The following SRGAP3 variants were observed in gnomAD, a reference collection of about 807,000 sequenced individuals.
The protein encoded by SRGAP3 is SLIT-ROBO Rho GTPase-activating protein 3.
Under a neutral mutation model 121.1 loss-of-function variants are expected in SRGAP3, and 39 were observed. That is an observed-to-expected ratio of 0.32 (90% CI 0.25 to 0.42). SRGAP3 has a LOEUF of 0.42. Among genes scored for constraint, SRGAP3 ranks in the 10% least tolerant of loss-of-function variants. The pLI is 1.00. For missense variants in SRGAP3, 1,213 were observed against 1,470.6 expected (o/e 0.82, Z 2.86); for synonymous variants, 601 against 570.0 (o/e 1.05, Z -0.77).
chr3:9,331,182 A>C (rs1434651876), intron 1 of SRGAP3, among the ~76,000 whole-genome samples: 8 of 152,260 alleles, frequency 5.3e-5, no homozygotes, highest in Non-Finnish European at 1.0e-4. Context: ...ACACACAAAT[A>C]GCTAAGAATT....
chr3:9,030,157 G>C (rs945691725), intron 12 of SRGAP3, among the ~76,000 whole-genome samples: 1 of 102,084 alleles, frequency 9.8e-6, no homozygotes, highest in African/African-American at 3.8e-5. Context: ...CTCAATAAAT[G>C]AATGAATGAA....
Position 8,990,750 on chromosome 3 carries a change from A to G in SRGAP3, c.2648T>C (p.Ile883Thr), listed in dbSNP as rs1291135958. 1.2e-6 allele frequency: 2 copies of G among 1,608,772 alleles called. No homozygotes were observed. The highest frequency in any genetic ancestry group is 2.2e-5 in the East Asian group (1 of 44,760). Residue 883 changes from isoleucine to threonine, a missense_variant, in exon 21 of 22, where the codon ATA becomes ACA. Ile to Thr is a moderately conservative substitution (Grantham distance 89). Coordinates refer to ENST00000383836, the MANE Select transcript of SRGAP3 (RefSeq NM_014850.4). Reference sequence around the variant, plus strand: ...GGCAGCAGCCCGGGGTGGTGTGTCTATGCTGGGGCCCAGGCCCCGGGGCGG... The same window carrying G: ...GGCAGCAGCCCGGGGTGGTGTGTCTGTGCTGGGGCCCAGGCCCCGGGGCGG... ...HSPPRGLGPS[I>T]DTPPRAAACP...
At chr3:9,011,314 T>A (rs1395537646) in intron 17 of SRGAP3, among the ~76,000 whole-genome samples, 9 of 151,800 alleles carry the variant, frequency 5.9e-5, no homozygotes, top group Non-Finnish European at 1.5e-5. Context: ...CTCAAAGGAG[T>A]TGACATTTGC....
chr3:9,064,060 T>C (rs1480804382), intron 5 of SRGAP3, among the ~76,000 whole-genome samples: 1 of 152,176 alleles, frequency 6.6e-6, no homozygotes. Context: ...CTCCCGCTAA[T>C]GCCTTGTGAT....
intron 2 of SRGAP3, among the ~76,000 whole-genome samples, chr3:9,115,357 G>C (rs554328027): frequency 3.1e-3 from 467 of 152,300 alleles, no homozygotes; most frequent in Admixed American, 4.9e-3. Context: ...ACATATTACT[G>C]TTTGTGAAAA....
intron 1 of SRGAP3, among the ~76,000 whole-genome samples, chr3:9,358,159 C>A (rs969899319): frequency 1.3e-5 from 2 of 152,096 alleles, no homozygotes; most frequent in African/African-American, 4.8e-5. Context: ...CAATGTGTGA[C>A]CATCTTTACT....
chr3:9,237,852 T>A (rs964094998), intron 1 of SRGAP3, among the ~76,000 whole-genome samples: 2 of 152,220 alleles, frequency 1.3e-5, no homozygotes, highest in African/African-American at 4.8e-5. Flanking sequence ...GGAAGTGACA[T>A]GGCCAGATTT....
chr3:9,182,821 T>C (rs1575201706), intron 1 of SRGAP3, among the ~76,000 whole-genome samples: 1 of 151,848 alleles, frequency 6.6e-6, no homozygotes, highest in Non-Finnish European at 1.5e-5. Flanking sequence ...GCCTGGTTAA[T>C]TTTTTTAAAA....
chr3:9,102,852 C>A (rs1421607463), intron 3 of SRGAP3, among the ~76,000 whole-genome samples: 1 of 152,144 alleles, frequency 6.6e-6, no homozygotes, highest in Non-Finnish European at 1.5e-5. Flanking sequence ...GAAAAAAGAC[C>A]CTTCATTTCC....
At chr3:9,348,048 C>A in intron 1 of SRGAP3, among the ~76,000 whole-genome samples, 1 of 152,242 alleles carries the variant, frequency 6.6e-6, no homozygotes, top group East Asian at 1.9e-4. Flanking sequence ...AGGCTACAAC[C>A]TAATGAGCTT....
chr3:9,204,148 C>T (rs1328008517), intron 1 of SRGAP3, among the ~76,000 whole-genome samples: 1 of 152,244 alleles, frequency 6.6e-6, no homozygotes, highest in African/African-American at 2.4e-5. Flanking sequence ...GGGAACCCAT[C>T]TTGGAAACTA....
chr3:9,227,169 G>C (rs536039534), intron 1 of SRGAP3, among the ~76,000 whole-genome samples: 1 of 152,246 alleles, frequency 6.6e-6, no homozygotes, highest in South Asian at 2.1e-4. Flanking sequence ...CCAGAAGTCT[G>C]GATTTTTACA....
intron 14 of SRGAP3, among the ~76,000 whole-genome samples, chr3:9,017,038 A>T (rs372907210): frequency 6.6e-6 from 1 of 152,184 alleles, no homozygotes; most frequent in Non-Finnish European, 1.5e-5. Flanking sequence ...GACCAAAAAA[A>T]ATCCCCAATT....
At chr3:9,152,033 G>A (rs1229885175) in intron 1 of SRGAP3, among the ~76,000 whole-genome samples, 2 of 152,202 alleles carry the variant, frequency 1.3e-5, no homozygotes, top group African/African-American at 4.8e-5. Flanking sequence ...CCTTAATGGT[G>A]TCTTATTTAT....
intron 3 of SRGAP3, among the ~76,000 whole-genome samples, chr3:9,308,785 G>A (rs1185338311): frequency 6.6e-6 from 1 of 152,134 alleles, no homozygotes; most frequent in East Asian, 1.9e-4. Flanking sequence ...AAGGGATGAA[G>A]CTAGTCAACA....
rs189574867 is a variant in SRGAP3, at chr3:9,201,160, C to T, written c.67+47725G>A. Reference sequence around the variant, plus strand: ...TTCTAATAGGAAGGCTCGGTGACAACAGACCAGACATGAAGGACGGTGACG... The same window carrying T: ...TTCTAATAGGAAGGCTCGGTGACAATAGACCAGACATGAAGGACGGTGACG... On this transcript the variant is annotated intron_variant, in intron 1 of 21. Transcript: ENST00000383836. Among the ~76,000 whole-genome samples the T allele has an allele frequency of 1.1e-3, 170 of 152,330 alleles. 1 individual carries two copies. Among genetic ancestry groups the T allele is most frequent in the South Asian group, 3.5e-3 (17 of 4,824 alleles).
At chr3:9,119,930 C>T (rs899427927) in intron 2 of SRGAP3, among the ~76,000 whole-genome samples, 22 of 152,200 alleles carry the variant, frequency 1.4e-4, no homozygotes, top group African/African-American at 5.1e-4. Context: ...CCACATACAG[C>T]AGAAAAATCA....
intron 1 of SRGAP3, among the ~76,000 whole-genome samples, chr3:9,181,572 T>G (rs1343587474): frequency 6.6e-6 from 1 of 152,206 alleles, no homozygotes; most frequent in East Asian, 1.9e-4. Flanking sequence ...CCTGGCTAGC[T>G]GCCCGCAAGG....
At chr3:9,159,585 A>C (rs1350451149) in intron 1 of SRGAP3, among the ~76,000 whole-genome samples, 1 of 152,248 alleles carries the variant, frequency 6.6e-6, no homozygotes, top group African/African-American at 2.4e-5. Flanking sequence ...TGGGTTTTAA[A>C]CAATTTTGTG....
Sources: gnomAD v4.1 joint callset for allele counts (sites outside exome capture counted in the v4.1 genomes callset) on GRCh38, gnomAD v4.1.1 for gene constraint, MANE v1.5 for transcripts, NCBI Gene and HGNC (gene_info 2026-07-23, HGNC 2026-07-21) for gene names.